Variants in NPHP3 observed in about 807,000 individuals in gnomAD.
NPHP3 encodes nephrocystin 3.
In NPHP3, 123 loss-of-function variants were observed where a neutral mutation model predicts 171.9. That is an observed-to-expected ratio of 0.72 (90% CI 0.62 to 0.83). The LOEUF (loss-of-function observed/expected upper bound fraction) is 0.83. Ranked by LOEUF, NPHP3 falls within the 40% of genes least tolerant of loss-of-function variation. The probability of loss-of-function intolerance (pLI) is 0.00; values close to 1 mark genes in which losing one functional copy is unlikely to be tolerated. For synonymous variants in NPHP3, 558 were observed against 579.2 expected (o/e 0.96, Z 0.52); for missense variants, 1,506 against 1,591.9 (o/e 0.95, Z 0.92).
intron 26 of NPHP3, 103 bp from the exon 27 acceptor site, chr3:132,682,193 A>G (rs943507883): frequency 4.6e-5 from 49 of 1,060,332 alleles, no homozygotes; most frequent in Non-Finnish European, 6.9e-5. Flanking sequence ...ATATTTGCCC[A>G]TTTCCCCTCT....
chr3:132,694,752 G>A (rs1217102716), intron 16 of NPHP3, 75 bp downstream of exon 16: 70 of 1,545,036 alleles, frequency 4.5e-5, no homozygotes, highest in Admixed American at 3.4e-5. Context: ...AATTTTAAAA[G>A]AATTGTTATT....
At chr3:132,703,254 A>G (rs1007305459) in intron 9 of NPHP3, among the ~76,000 whole-genome samples, 3 of 152,266 alleles carry the variant, frequency 2.0e-5, no homozygotes, top group African/African-American at 4.8e-5. Context: ...TGATGGAACC[A>G]GGACATTAAC....
intron 4 of NPHP3, among the ~76,000 whole-genome samples, chr3:132,716,553 G>A (rs969614232): frequency 6.6e-6 from 1 of 152,168 alleles, no homozygotes; most frequent in African/African-American, 2.4e-5. Context: ...AGGTTGGCAG[G>A]AGTACCATCT....
At chr3:132,685,111 T>C (rs1939122732) in intron 23 of NPHP3, 1 of 309,890 alleles carries the variant, frequency 3.2e-6, no homozygotes, top group African/African-American at 2.2e-5. Context: ...AAGATTTTTG[T>C]ATTCACTCTT....
In NPHP3 at chr3:132,699,465, A is replaced by G; in HGVS notation, c.1888-15T>C. 1.3e-6 allele frequency: 2 copies of G among 1,531,930 alleles called. No homozygotes were observed. The highest frequency in any genetic ancestry group is 2.2e-5 in the South Asian group (2 of 88,978). The allele number at this position is 1,531,930 out of a possible 1,614,324, so 94.9% of individuals were successfully genotyped here. On this transcript the variant is annotated splice_polypyrimidine_tract_variant and intron_variant, in intron 12 of 26. Coordinates refer to ENST00000337331, the MANE Select transcript of NPHP3 (RefSeq NM_153240.5). ...TTTTCAACTTGCTTAAAAATATAAA[A>G]ACAAAATTCAATCTATTAATCAAAA... is the stretch of plus-strand genomic sequence containing the variant.
At position 132,699,361 on chromosome 3, in the gene NPHP3, T is replaced by C; in HGVS notation, c.1977A>G (p.Pro659=). ...TAAAGTTGGCATCGTACCTCCATGC[T>C]GGAGGGCATGTTTCTACATTCACAG... ...IVSVNVETCP[P]AWRLWPTLHL... Residue 659 remains proline, a synonymous_variant, in exon 13 of 27, where the codon CCA becomes CCG. Transcript: ENST00000337331. 1 of 1,608,722 alleles carries C rather than the reference T, an allele frequency of 6.2e-7. No individual in the cohort carries two copies. The highest frequency in any genetic ancestry group is 8.5e-7 in the Non-Finnish European group (1 of 1,175,848).
chr3:132,705,722 C>G lies in NPHP3; in HGVS notation c.1350+18G>C. On this transcript the variant is annotated intron_variant, in intron 8 of 26. Coordinates refer to ENST00000337331, the MANE Select transcript of NPHP3 (RefSeq NM_153240.5). Reference sequence around the variant, plus strand: ...TTAAAATATTTTAGATGAAAACTTACAGAGAATGCATATTTACCTGTTTAA... The same window carrying G: ...TTAAAATATTTTAGATGAAAACTTAGAGAGAATGCATATTTACCTGTTTAA... 8.6e-7 allele frequency: 1 copy of G among 1,166,816 alleles called. No homozygotes were observed. Among genetic ancestry groups the G allele is most frequent in the Non-Finnish European group, 1.3e-6 (1 of 780,422 alleles). 72.3% of individuals were successfully genotyped at this position (1,166,816 alleles called of 1,614,324 possible). A position where few individuals can be genotyped will look rare whatever the true frequency, so the allele number is the denominator to read the frequency against.
intron 7 of NPHP3, among the ~76,000 whole-genome samples, chr3:132,707,356 C>T (rs534517996): frequency 3.6e-4 from 55 of 152,150 alleles, no homozygotes; most frequent in African/African-American, 1.2e-3. Flanking sequence ...CCCAGCTACT[C>T]AAGACACTGA....
chr3:132,709,138 T>TA (rs937139036), intron 6 of NPHP3, among the ~76,000 whole-genome samples: 3 of 151,714 alleles, frequency 2.0e-5, no homozygotes, highest in Admixed American at 6.6e-5. Flanking sequence ...GAGGTGAAGG[T>TA]AAAAAAAATC....
Position 132,686,322 on chromosome 3 carries a change from T to C in NPHP3, c.3267A>G (p.Thr1089=), listed in dbSNP as rs1239330357. The part of the protein sequence containing the change: ...QLEELTLGKD[T]PDNARTLNEL... ...CATTGAGGGTCCGAGCATTATCAGG[T>C]GTGTCCTTACCTAATGTAAGCTCTT... The change falls in exon 23 of 27, where the codon ACA becomes ACG. Residue 1089 remains threonine (T), a synonymous_variant. Coordinates refer to ENST00000337331, the MANE Select transcript of NPHP3 (RefSeq NM_153240.5). 1.2e-6 allele frequency: 2 copies of C among 1,613,924 alleles called. No homozygotes were observed. Among genetic ancestry groups the C allele is most frequent in the Non-Finnish European group, 1.7e-6 (2 of 1,179,798 alleles).
At chr3:132,707,821 T>TC (rs1327318256) in intron 7 of NPHP3, among the ~76,000 whole-genome samples, 2 of 152,124 alleles carry the variant, frequency 1.3e-5, no homozygotes, top group Non-Finnish European at 2.9e-5. Context: ...GCCAGAAAGA[T>TC]CACTGTCAGA....
chr3:132,688,916 C>T, intron 20 of NPHP3, 25 bp from the exon 21 acceptor site: 1 of 1,613,886 alleles, frequency 6.2e-7, no homozygotes, highest in Admixed American at 1.7e-5. Context: ...GGTGAAAGGC[C>T]AGTTAAAGTG....
At chr3:132,704,722 T>A (rs1457525881) in intron 8 of NPHP3, among the ~76,000 whole-genome samples, 1 of 152,364 alleles carries the variant, frequency 6.6e-6, no homozygotes, top group African/African-American at 2.4e-5. Context: ...AAATATGCTA[T>A]AAGAATTGAA....
intron 15 of NPHP3, among the ~76,000 whole-genome samples, chr3:132,695,848 C>T (rs1452572643): frequency 1.3e-5 from 2 of 152,118 alleles, no homozygotes; most frequent in African/African-American, 4.8e-5. Context: ...GTGGGAGGAT[C>T]GCTTGAGTCT....
intron 6 of NPHP3, among the ~76,000 whole-genome samples, chr3:132,711,724 A>C (rs1217200817): frequency 6.6e-6 from 1 of 152,202 alleles, no homozygotes; most frequent in Non-Finnish European, 1.5e-5. Flanking sequence ...AAAACTACTC[A>C]ATCATTAAGT....
At chr3:132,691,466 A>G (rs1939297659) in intron 17 of NPHP3, among the ~76,000 whole-genome samples, 180 bp from the exon 18 acceptor site, 1 of 152,234 alleles carries the variant, frequency 6.6e-6, no homozygotes, top group Non-Finnish European at 1.5e-5. Flanking sequence ...TAGAATAAAA[A>G]TTTCTGTACT....
chr3:132,715,434 T>C (rs367852482), intron 4 of NPHP3, among the ~76,000 whole-genome samples: 11 of 152,340 alleles, frequency 7.2e-5, no homozygotes, highest in African/African-American at 2.4e-4. Flanking sequence ...CCAGTGGTCT[T>C]CCCTGAGGCA....
rs759495075 is a variant in NPHP3, at chr3:132,686,309, G to T, written c.3280C>A (p.Arg1094=). ...TLGKDTPDNA[R]TLNELGVLYY... The stretch of plus-strand genomic sequence containing the variant: ...AGAACACCCAGTTCATTGAGGGTCC[G>T]AGCATTATCAGGTGTGTCCTTACCT... Residue 1094 remains arginine, a synonymous_variant, in exon 23 of 27, where the codon CGG becomes AGG. Coordinates refer to ENST00000337331, the MANE Select transcript of NPHP3 (RefSeq NM_153240.5). The T allele has an allele frequency of 1.2e-6, 2 of 1,613,808 alleles. No individual in the cohort carries two copies. The highest frequency in any genetic ancestry group is 2.2e-5 in the South Asian group (2 of 91,074).
At position 132,684,778 on chromosome 3, in the gene NPHP3, G is replaced by A; in HGVS notation, c.3346C>T (p.Leu1116=). The change falls in exon 24 of 27, where the codon CTG becomes TTG. Residue 1116 remains leucine (L), a synonymous_variant. Transcript: ENST00000337331. ...QNNLETADQF[L]KRSLEMRERV... The stretch of plus-strand genomic sequence containing the variant: ...TCCCTCATTTCTAAGGAACGCTTCA[G>A]AAACTGGTCAGCTGTTCTGTGAACA... The A allele has an allele frequency of 6.2e-7, 1 of 1,613,508 alleles. No homozygotes were observed. Among genetic ancestry groups the A allele is most frequent in the Non-Finnish European group, 8.5e-7 (1 of 1,179,982 alleles).
Sources: gnomAD v4.1 joint callset for allele counts (sites outside exome capture counted in the v4.1 genomes callset) on GRCh38, gnomAD v4.1.1 for gene constraint, MANE v1.5 for transcripts, NCBI Gene and HGNC (gene_info 2026-07-23, HGNC 2026-07-21) for gene names.